The following ADGRV1 variants were observed in gnomAD, a reference collection of about 807,000 sequenced individuals.
The protein encoded by ADGRV1 is adhesion G protein-coupled receptor V1, also known as G-protein coupled receptor 98.
A neutral mutation model predicts 596.2 loss-of-function variants in ADGRV1; 359 were observed. That is an observed-to-expected ratio of 0.60 (90% CI 0.55 to 0.66). The LOEUF (loss-of-function observed/expected upper bound fraction) is 0.66, where lower values mean the gene tolerates loss of function less well. Among genes scored for constraint, ADGRV1 ranks in the 30% least tolerant of loss-of-function variants. The pLI is 0.00. For missense variants in ADGRV1, 7,274 were observed against 7,575.6 expected (o/e 0.96, Z 1.48); for synonymous variants, 2,681 against 2,679.2 (o/e 1.00, Z -0.02).
Position 90,778,477 on chromosome 5 carries a change from C to T in ADGRV1, c.12717C>T (p.Leu4239=). The T allele has an allele frequency of 6.2e-7, 1 of 1,613,148 alleles. No homozygotes were observed. The highest frequency in any genetic ancestry group is 8.5e-7 in the Non-Finnish European group (1 of 1,179,540). ...PEEKSFYEFQ[L]TAVSEGGVLS... is the part of the protein sequence containing the mutation. Reference sequence around the variant, plus strand: ...AAAAAAGCTTCTATGAGTTTCAGCTCACTGCAGTCAGTGAGGGAGGAGTTC... The same window carrying T: ...AAAAAAGCTTCTATGAGTTTCAGCTTACTGCAGTCAGTGAGGGAGGAGTTC... The change falls in exon 63 of 90, where the codon CTC becomes CTT. Residue 4239 remains leucine, a synonymous_variant. Coordinates refer to ENST00000405460, the MANE Select transcript of ADGRV1 (RefSeq NM_032119.4).
chr5:90,674,157 C>T lies in ADGRV1; in HGVS notation c.5033C>T (p.Thr1678Ile), dbSNP rs1380266255. The T allele has an allele frequency of 9.9e-6, 16 of 1,613,436 alleles. No individual in the cohort carries two copies. Among genetic ancestry groups the T allele is most frequent in the Non-Finnish European group, 1.4e-5 (16 of 1,179,704 alleles). ...CCTGGAGATGGGAAGCTAGGCTCAACTCCTACCAGTGGTGCAAGCATAGAT... is the reference window on the plus strand; with the variant it reads ...CCTGGAGATGGGAAGCTAGGCTCAATTCCTACCAGTGGTGCAAGCATAGAT... The part of the protein sequence containing the change: ...AIPGDGKLGS[T>I]PTSGASIDPE... Residue 1678 changes from threonine to isoleucine, a missense_variant, in exon 23 of 90, where the codon ACT becomes ATT. Thr to Ile is a moderately conservative substitution (Grantham distance 89). This residue lies in a region of ADGRV1 where 3,643 missense variants were observed against 3,809.2 expected (regional missense o/e 0.96). Transcript: ENST00000405460.
rs769615784 is a variant in ADGRV1 at position 91,153,352 on chromosome 5, TGAG to T, written c.18760_18762del (p.Glu6254del). 6.2e-7 allele frequency: 1 copy of T among 1,612,364 alleles called. No individual in the cohort carries two copies. The highest frequency in any genetic ancestry group is 1.3e-5 in the African/African-American group (1 of 74,970). Reference sequence around the variant, plus strand: ...ATGGCCAGGGGTCACTGATAGCCGATGAGGAGTCCCAGGAGTTTGATGATTTAA... The same window carrying T: ...ATGGCCAGGGGTCACTGATAGCCGATGAGTCCCAGGAGTTTGATGATTTAA... On this transcript the variant is annotated inframe_deletion, in exon 89 of 90. Coordinates refer to ENST00000405460, the MANE Select transcript of ADGRV1 (RefSeq NM_032119.4).
intron 88 of ADGRV1, among the ~76,000 whole-genome samples, chr5:91,151,735 T>C (rs558882643): frequency 6.6e-6 from 1 of 152,332 alleles, no homozygotes; most frequent in Non-Finnish European, 1.5e-5. Context: ...AGTCAGTTTA[T>C]CATTCACCCT....
At chr5:90,703,642 C>T in intron 34 of ADGRV1, 23 bp from the exon 35 acceptor site, 1 of 1,549,240 alleles carries the variant, frequency 6.5e-7, no homozygotes, top group African/African-American at 1.4e-5. Context: ...AAGTATTTAT[C>T]AATTTACACA....
Position 90,823,496 on chromosome 5 carries a change from G to T in ADGRV1, c.16268G>T (p.Gly5423Val). The T allele has an allele frequency of 6.2e-7, 1 of 1,613,818 alleles. No homozygotes were observed. Residue 5423 changes from glycine (G) to valine (V), a missense_variant, in exon 76 of 90, where the codon GGG becomes GTG. By Grantham distance (109) the Gly-to-Val change is moderately radical. This residue lies in a region of ADGRV1 where 1,874 missense variants were observed against 1,970.2 expected (regional missense o/e 0.95). Coordinates refer to ENST00000405460, the MANE Select transcript of ADGRV1 (RefSeq NM_032119.4). ...NKTVVVLQKD[G>V]VNLVEELQSV... Reference sequence around the variant, plus strand: ...ACAGTCGTCGTGCTCCAGAAGGATGGGGTAAACCTGGTGGAGGAACTTCAG... The same window carrying T: ...ACAGTCGTCGTGCTCCAGAAGGATGTGGTAAACCTGGTGGAGGAACTTCAG...
At chr5:90,913,917 A>G (rs556525057) in intron 83 of ADGRV1, among the ~76,000 whole-genome samples, 12 of 152,274 alleles carry the variant, frequency 7.9e-5, no homozygotes, top group Non-Finnish European at 1.3e-4. Context: ...GCGGGTGAAT[A>G]TTGTGCTATA....
At chr5:90,995,861 C>T (rs1386228758) in intron 85 of ADGRV1, among the ~76,000 whole-genome samples, 1 of 152,144 alleles carries the variant, frequency 6.6e-6, no homozygotes. Flanking sequence ...TGGCATTGTG[C>T]CCCCGCTCTA....
chr5:91,146,817 T>G (rs918973649), intron 87 of ADGRV1, among the ~76,000 whole-genome samples: 1 of 152,202 alleles, frequency 6.6e-6, no homozygotes, highest in African/African-American at 2.4e-5. Flanking sequence ...GCAATTCTGT[T>G]TTCATGTATT....
chr5:90,621,625 C>A lies in ADGRV1; in HGVS notation c.454-972C>A, dbSNP rs1156358390. Among the ~76,000 whole-genome samples, 5 of 152,250 alleles carry A rather than the reference C, an allele frequency of 3.3e-5. No individual in the cohort carries two copies. In the East Asian group the frequency reaches 9.7e-4, roughly 29 times the overall value. On this transcript the variant is annotated intron_variant, in intron 4 of 89. Transcript: ENST00000405460. ...TAAAGGTTTCTTTTGTTGTTGTTGA[C>A]ATTATATATCTTAGCCTATGGGAAT...
intron 59 of ADGRV1, 141 bp downstream of exon 59, chr5:90,763,610 G>A (rs1756755030): frequency 1.3e-6 from 1 of 758,346 alleles, no homozygotes. Flanking sequence ...TGGGCTTCTA[G>A]TGAGCCCATA....
At chr5:90,997,104 G>A (rs952133156) in intron 85 of ADGRV1, among the ~76,000 whole-genome samples, 2 of 152,258 alleles carry the variant, frequency 1.3e-5, no homozygotes, top group African/African-American at 2.4e-5. Context: ...TAATATTTGG[G>A]GGCTGTTGAG....
intron 52 of ADGRV1, among the ~76,000 whole-genome samples, chr5:90,749,709 G>A (rs1049914362): frequency 2.0e-5 from 3 of 152,180 alleles, no homozygotes; most frequent in African/African-American, 4.8e-5. Flanking sequence ...GGTATTGTAA[G>A]AAGAGATTCT....
chr5:90,969,732 G>T (rs1778783115), intron 84 of ADGRV1, among the ~76,000 whole-genome samples: 1 of 152,128 alleles, frequency 6.6e-6, no homozygotes, highest in South Asian at 2.1e-4. Flanking sequence ...CCTTAAGAAG[G>T]CAGGGTTGGG....
intron 1 of ADGRV1, among the ~76,000 whole-genome samples, chr5:90,602,992 T>C (rs1761604750): frequency 6.6e-6 from 1 of 152,230 alleles, no homozygotes; most frequent in Non-Finnish European, 1.5e-5. Flanking sequence ...CTTTTTATTT[T>C]CTAAACCTGG....
At chr5:90,920,793 A>C (rs1484811296) in intron 83 of ADGRV1, among the ~76,000 whole-genome samples, 6 of 152,184 alleles carry the variant, frequency 3.9e-5, no homozygotes, top group Non-Finnish European at 8.8e-5. Flanking sequence ...CATTTTTTAA[A>C]AATCTAACTC....
At chr5:90,961,274 G>A (rs187822397) in intron 83 of ADGRV1, among the ~76,000 whole-genome samples, 1 of 152,070 alleles carries the variant, frequency 6.6e-6, no homozygotes, top group African/African-American at 2.4e-5. Flanking sequence ...GCCGAAGCGG[G>A]CGGATCATGA....
intron 83 of ADGRV1, among the ~76,000 whole-genome samples, chr5:90,934,393 G>A (rs1203397407): frequency 6.6e-6 from 1 of 152,140 alleles, no homozygotes; most frequent in Non-Finnish European, 1.5e-5. Flanking sequence ...TGGTTATTTC[G>A]GAACATTATT....
chr5:90,782,552 A>C (rs1758961944), intron 65 of ADGRV1, among the ~76,000 whole-genome samples: 1 of 152,268 alleles, frequency 6.6e-6, no homozygotes, highest in East Asian at 1.9e-4. Flanking sequence ...TAGCTTAAGA[A>C]ATATATTTTT....
At chr5:90,923,692 C>A (rs1336771683) in intron 83 of ADGRV1, among the ~76,000 whole-genome samples, 1 of 152,064 alleles carries the variant, frequency 6.6e-6, no homozygotes, top group Non-Finnish European at 1.5e-5. Flanking sequence ...AGGTTAGTTA[C>A]ATATGTATAC....
Sources: gnomAD v4.1 joint callset for allele counts (sites outside exome capture counted in the v4.1 genomes callset) on GRCh38, gnomAD v4.1.1 for gene constraint, gnomAD v4.1.1 regional missense constraint, MANE v1.5 for transcripts, NCBI Gene and HGNC (gene_info 2026-07-23, HGNC 2026-07-21) for gene names.